Variants in TUBB4A observed in about 807,000 individuals in gnomAD.
TUBB4A encodes the protein tubulin beta-4A chain.
Under a neutral mutation model 35.1 loss-of-function variants are expected in TUBB4A, and 13 were observed. That is an observed-to-expected ratio of 0.37 (90% CI 0.24 to 0.59). The LOEUF is 0.59. TUBB4A is among the 20% of genes least tolerant of loss of function. TUBB4A has a pLI of 0.71. For synonymous variants in TUBB4A, 279 were observed against 272.4 expected, an observed-to-expected ratio of 1.02 and a Z score of -0.24; for missense variants, 299 against 647.2, an observed-to-expected ratio of 0.46 and a Z score of 5.84.
At chr19:6,499,017 G>A (rs1274020597) in intron 3 of TUBB4A, among the ~76,000 whole-genome samples, 1 of 152,088 alleles carries the variant, frequency 6.6e-6, no homozygotes, top group East Asian at 1.9e-4. Context: ...CCAGGGGGTG[G>A]GAGGAGCATT....
Position 6,495,072 on chromosome 19 carries a change from G to A in TUBB4A, c.*92C>T. On this transcript the variant is annotated 3_prime_UTR_variant, in exon 4 of 4. Transcript: ENST00000264071. The surrounding 1 kb of genome is among the most constrained non-coding windows in gnomAD (Gnocchi z 8.7). ...GGTCAGCGGGGAGTCAGCCTTGGAG[G>A]GAAAGCGGGGCTCTAGGGTTCAGAG... The A allele has an allele frequency of 2.0e-6, 3 of 1,482,342 alleles. No individual in the cohort carries two copies. Among genetic ancestry groups the A allele is most frequent in the South Asian group, 2.5e-5 (2 of 79,302 alleles). The allele number at this position is 1,482,342 out of a possible 1,614,324, so 91.8% of individuals were successfully genotyped here.
intron 3 of TUBB4A, among the ~76,000 whole-genome samples, chr19:6,499,534 G>A (rs1243154198): frequency 6.6e-6 from 1 of 152,168 alleles, no homozygotes; most frequent in Non-Finnish European, 1.5e-5. Flanking sequence ...GTGGAGCCAG[G>A]GTGGGGACAT....
chr19:6,501,039 C>G lies in TUBB4A; in HGVS notation c.277+248G>C. On this transcript the variant is annotated intron_variant, in intron 3 of 3. Coordinates refer to ENST00000264071, the MANE Select transcript of TUBB4A (RefSeq NM_006087.4). The surrounding 1 kb of genome is among the most constrained non-coding windows in gnomAD (Gnocchi z 4.2). ...GCACCCAGGCAGTCTGGTTCCGGTT[C>G]AGACCGTTGAATTAAAATGCCACCT... 3 of 498,354 alleles carry G rather than the reference C, an allele frequency of 6.0e-6. No individual in the cohort carries two copies. Among genetic ancestry groups the G allele is most frequent in the Non-Finnish European group, 1.1e-5 (3 of 279,910 alleles). 30.9% of individuals were successfully genotyped at this position (498,354 alleles called of 1,614,324 possible). A position where few individuals can be genotyped will look rare whatever the true frequency, so the allele number is the denominator to read the frequency against.
chr19:6,500,584 C>T (rs2145257852), intron 3 of TUBB4A: 1 of 152,030 alleles, frequency 6.6e-6, no homozygotes, highest in East Asian at 1.9e-4. Context: ...ACAAAGAAAA[C>T]TAAAAAATTA....
chr19:6,497,898 CAAAAAA>C (rs1179837262), intron 3 of TUBB4A, among the ~76,000 whole-genome samples: 3 of 42,254 alleles, frequency 7.1e-5, no homozygotes, highest in South Asian at 1.1e-3. Flanking sequence ...GACTCCGTCT[CAAAAAA>C]AAAAAAAAAA....
intron 3 of TUBB4A, 174 bp from the exon 4 acceptor site, chr19:6,496,395 C>T (rs1450969374): frequency 3.9e-5 from 24 of 615,488 alleles, no homozygotes; most frequent in South Asian, 1.0e-4. Flanking sequence ...TTTGGGAGGC[C>T]GAGGTGGGCG....
In TUBB4A at chr19:6,496,617, C is replaced by CG. The variant is rs1326738846; in HGVS notation, c.278-397dup. Among the ~76,000 whole-genome samples the CG allele has an allele frequency of 7.5e-5, 11 of 146,600 alleles. No individual in the cohort carries two copies. In the Middle Eastern group the frequency reaches 0.021, roughly 284 times the overall value. ...CTGCACTGCAGCCTGGGCAACAGAG[C>CG]GAGACTCCGTCTCAAAATAATAATA... On this transcript the variant is annotated intron_variant, in intron 3 of 3. Transcript: ENST00000264071.
intron 3 of TUBB4A, among the ~76,000 whole-genome samples, chr19:6,497,939 T>A (rs1282334346): frequency 9.6e-6 from 1 of 104,522 alleles, no homozygotes; most frequent in African/African-American, 3.7e-5. Context: ...TGGCCAGGCG[T>A]GGTGGCTCAC....
chr19:6,494,615 G>A lies in TUBB4A; in HGVS notation c.*549C>T, dbSNP rs1281493418. The A allele has an allele frequency of 1.2e-5, 2 of 163,642 alleles. No homozygotes were observed. The highest frequency in any genetic ancestry group is 4.9e-5 in the African/African-American group (2 of 40,822). 10.1% of individuals were successfully genotyped at this position (163,642 alleles called of 1,614,324 possible). ...GGTCCAATATAAACCAGGACTTGCA[G>A]GTGTAGAAGTAAAATGGGACTCATA... On this transcript the variant is annotated 3_prime_UTR_variant, in exon 4 of 4. Coordinates refer to ENST00000264071, the MANE Select transcript of TUBB4A (RefSeq NM_006087.4).
intron 3 of TUBB4A, among the ~76,000 whole-genome samples, chr19:6,497,271 T>C (rs539150093): frequency 6.6e-6 from 1 of 151,236 alleles, no homozygotes; most frequent in Non-Finnish European, 1.5e-5. Flanking sequence ...TTAATAATAA[T>C]ATCATTTTCA....
chr19:6,502,808 G>GGCGGTA (rs1914604331), upstream of TUBB4A: 4 of 152,430 alleles, frequency 2.6e-5, no homozygotes, highest in South Asian at 6.2e-4. Context: ...GCGGGTGGGG[G>GGCGGTA]GCGGTAGGTT....
intron 3 of TUBB4A, among the ~76,000 whole-genome samples, chr19:6,499,293 C>A (rs1163174242): frequency 6.6e-6 from 1 of 151,032 alleles, no homozygotes; most frequent in African/African-American, 2.4e-5. Flanking sequence ...GCAACGGAGA[C>A]TCCGTCTCAA....
intron 3 of TUBB4A, among the ~76,000 whole-genome samples, chr19:6,497,207 G>A (rs1482985361): frequency 2.7e-5 from 4 of 149,094 alleles, no homozygotes; most frequent in African/African-American, 9.8e-5. Flanking sequence ...GCAAGACCCT[G>A]TCTCTAAAAC....
chr19:6,501,525 G>A lies in TUBB4A; in HGVS notation c.156C>T (p.Asn52=), dbSNP rs375230837. The change falls in exon 2 of 4, where the codon AAC becomes AAT. Residue 52 remains asparagine, a synonymous_variant. Coordinates refer to ENST00000264071, the MANE Select transcript of TUBB4A (RefSeq NM_006087.4). This position sits in a 1 kb window ranked among gnomAD's most constrained non-coding sequence, Gnocchi z 4.2. ...CCTCCTTCGCCCTACCTGTGGCCTCGTTGTAGTACACGTTGATCCTCTCCA... is the reference window on the plus strand; with the variant it reads ...CCTCCTTCGCCCTACCTGTGGCCTCATTGTAGTACACGTTGATCCTCTCCA... The part of the protein sequence containing the change: ...LQLERINVYY[N]EATGGNYVPR... 5.7e-5 allele frequency: 92 copies of A among 1,613,770 alleles called. No homozygotes were observed. The highest frequency in any genetic ancestry group is 7.5e-5 in the Non-Finnish European group (88 of 1,179,870).
At chr19:6,497,625 G>C (rs939222257) in intron 3 of TUBB4A, among the ~76,000 whole-genome samples, 2 of 151,858 alleles carry the variant, frequency 1.3e-5, no homozygotes, top group South Asian at 4.2e-4. Context: ...GCAAGCTCCC[G>C]GAGGAAAAGA....
chr19:6,499,399 C>T lies in TUBB4A; in HGVS notation c.277+1888G>A, dbSNP rs145732526. ...GTGTGACTTTCTGCAAGTGACCTAA[C>T]GTCTCTGTGCCTCTGTTTTCTCACC... On this transcript the variant is annotated intron_variant, in intron 3 of 3. Transcript: ENST00000264071. Among the ~76,000 whole-genome samples the T allele has an allele frequency of 2.3e-3, 346 of 152,116 alleles. 1 individual carries two copies. Among genetic ancestry groups the T allele is most frequent in the African/African-American group, 8.0e-3 (331 of 41,516 alleles).
Position 6,501,178 on chromosome 19 carries a change from C to T in TUBB4A, c.277+109G>A. Reference sequence around the variant, plus strand: ...GGATGCAGGGCTGGTGCCTGGTGCCCTGTCCACCCCATCTCTGGTCTGTGG... The same window carrying T: ...GGATGCAGGGCTGGTGCCTGGTGCCTTGTCCACCCCATCTCTGGTCTGTGG... On this transcript the variant is annotated intron_variant, in intron 3 of 3. Transcript: ENST00000264071. This position sits in a 1 kb window ranked among gnomAD's most constrained non-coding sequence, Gnocchi z 4.2. The T allele has an allele frequency of 1.2e-6, 1 of 865,018 alleles. No homozygotes were observed. Among genetic ancestry groups the T allele is most frequent in the Non-Finnish European group, 1.8e-6 (1 of 558,388 alleles). 53.6% of individuals were successfully genotyped at this position (865,018 alleles called of 1,614,324 possible).
intron 3 of TUBB4A, among the ~76,000 whole-genome samples, chr19:6,498,521 C>T (rs1053986370): frequency 3.9e-5 from 6 of 152,228 alleles, no homozygotes; most frequent in Non-Finnish European, 8.8e-5. Context: ...GGCCACAAGG[C>T]CCTGCCGGAC....
At chr19:6,500,353 C>T (rs1183653363) in intron 3 of TUBB4A, among the ~76,000 whole-genome samples, 2 of 152,100 alleles carry the variant, frequency 1.3e-5, no homozygotes, top group South Asian at 2.1e-4. Context: ...AGGCTGGTCT[C>T]GAACTCCTGA....
Sources: gnomAD v4.1 joint callset for allele counts (sites outside exome capture counted in the v4.1 genomes callset) on GRCh38, gnomAD v4.1.1 for gene constraint, Gnocchi (gnomAD v3.1) non-coding constraint, MANE v1.5 for transcripts, NCBI Gene and HGNC (gene_info 2026-07-23, HGNC 2026-07-21) for gene names.